TMEM44: variants seen among roughly 807,000 people sequenced by gnomAD.
TMEM44 encodes transmembrane protein 44.
TMEM44 carries 43 observed loss-of-function variants against 47.8 expected under a neutral mutation model. The observed-to-expected ratio is 0.90, with a 90% CI of 0.70 to 1.16. TMEM44 has a LOEUF of 1.16. Ranked by LOEUF, TMEM44 falls within the 50% of genes most tolerant of loss-of-function variation. The pLI is 0.00. For missense variants in TMEM44, 568 were observed against 555.2 expected (o/e 1.02, Z -0.23); for synonymous variants, 277 against 238.8 (o/e 1.16, Z -1.48).
At chr3:194,612,231 A>G (rs377742479) in intron 7 of TMEM44, among the ~76,000 whole-genome samples, 302 of 152,284 alleles carry the variant, frequency 2.0e-3, no homozygotes, top group Middle Eastern at 3.4e-3. Context: ...TTCTCTCTTC[A>G]GAATTCCAAG....
At chr3:194,623,043 C>T in intron 5 of TMEM44, 181 bp downstream of exon 5, 1 of 558,192 alleles carries the variant, frequency 1.8e-6, no homozygotes. Context: ...GTTGGCTGCC[C>T]ACTCTCCACA....
intron 1 of TMEM44, 186 bp downstream of exon 1, chr3:194,632,893 C>T (rs988134670): frequency 6.8e-6 from 7 of 1,036,222 alleles, no homozygotes; most frequent in Non-Finnish European, 9.3e-6. Flanking sequence ...GCCCAGCTTC[C>T]CTGTGCGTGG....
rs190672613 is a variant in TMEM44 at position 194,612,667 on chromosome 3, T to G, written c.913-1647A>C. 2.6e-4 allele frequency among the ~76,000 whole-genome samples: 40 copies of G among 152,294 alleles called. No homozygotes were observed. The East Asian group carries it at 7.1e-3, about 27-fold the overall frequency. On this transcript the variant is annotated intron_variant, in intron 7 of 9. Transcript: ENST00000347147. ...TAGAAAAGAGGGAGCCATTTTATAT[T>G]CAAGTCCTTTTTTTTGAGACGGAGT... is the stretch of plus-strand genomic sequence containing the variant.
intron 2 of TMEM44, among the ~76,000 whole-genome samples, chr3:194,626,681 GT>G (rs61419904): frequency 0.08 from 10,597 of 133,024 alleles, 354 homozygotes; most frequent in East Asian, 0.23. Flanking sequence ...ATGTAGTTAA[GT>G]TTTTTTTTTT....
In TMEM44 at chr3:194,630,468, G is replaced by C. The variant is rs374478167; in HGVS notation, c.138-1959C>G. Among the ~76,000 whole-genome samples the C allele has an allele frequency of 3.9e-3, 122 of 31,512 alleles. 6 individuals carry two copies. The East Asian group carries it at 0.067, about 17-fold the overall frequency. The allele number at this position is 31,512 out of a possible 152,430, so 20.7% of individuals were successfully genotyped here. A position where few individuals can be genotyped will look rare whatever the true frequency, so the allele number is the denominator to read the frequency against. ...CCGAAGGGGCTGGCTGTTTCCATCG[G>C]CGTCACTGATAGGGCCCCTGAAATA... On this transcript the variant is annotated intron_variant, in intron 1 of 9. Coordinates refer to ENST00000347147, the MANE Select transcript of TMEM44 (RefSeq NM_001011655.3).
At chr3:194,616,536 T>C (rs1006314677) in intron 6 of TMEM44, 1 of 456,172 alleles carries the variant, frequency 2.2e-6, no homozygotes, top group Non-Finnish European at 4.4e-6. Context: ...GACACTGCCA[T>C]GCATCAAGGG....
At chr3:194,614,355 C>T (rs1315370416) in intron 7 of TMEM44, among the ~76,000 whole-genome samples, 2 of 152,132 alleles carry the variant, frequency 1.3e-5, no homozygotes, top group African/African-American at 4.8e-5. Flanking sequence ...ATTAAAGATG[C>T]ATGTGAAAGT....
chr3:194,602,870 G>A (rs1714308198), intron 9 of TMEM44, among the ~76,000 whole-genome samples: 1 of 152,180 alleles, frequency 6.6e-6, no homozygotes, highest in Non-Finnish European at 1.5e-5. Context: ...CAATCTAGGG[G>A]ACTTACAATG....
Position 194,617,256 on chromosome 3 carries a change from G to T in TMEM44, c.626C>A (p.Thr209Lys). Residue 209 changes from threonine to lysine, a missense_variant, in exon 6 of 10, where the codon ACA (threonine) becomes AAA (lysine). Coordinates refer to ENST00000347147, the MANE Select transcript of TMEM44 (RefSeq NM_001011655.3). ...GGTCCACAGGTGGATGGAGGGAAAT[G>T]TCTTCCCCCGGCACTGGGCAGAGAG... ...PPLSRICRGK[T>K]FPSIHLWTRL... 6.6e-7 allele frequency: 1 copy of T among 1,518,674 alleles called. No individual in the cohort carries two copies. The highest frequency in any genetic ancestry group is 1.4e-5 in the African/African-American group (1 of 72,226). The allele number at this position is 1,518,674 out of a possible 1,614,324, so 94.1% of individuals were successfully genotyped here.
At chr3:194,595,508 C>T (rs529632274) in intron 9 of TMEM44, among the ~76,000 whole-genome samples, 3 of 152,182 alleles carry the variant, frequency 2.0e-5, no homozygotes, top group South Asian at 2.1e-4. Flanking sequence ...TTTACTCTTA[C>T]CTTTGGGGAG....
rs1712133668 is a variant in TMEM44 at position 194,588,458 on chromosome 3, T to G, written c.*71A>C. ...TTCCTGCCGCGGTGTCAGTGCAGAT[T>G]GATTCCCGCTGCGTTACTGAACGAA... On this transcript the variant is annotated 3_prime_UTR_variant, in exon 10 of 10. Coordinates refer to ENST00000347147, the MANE Select transcript of TMEM44 (RefSeq NM_001011655.3). 3 of 1,384,152 alleles carry G rather than the reference T, an allele frequency of 2.2e-6. No homozygotes were observed. The highest frequency in any genetic ancestry group is 2.0e-6 in the Non-Finnish European group (2 of 980,480). 85.7% of individuals were successfully genotyped at this position (1,384,152 alleles called of 1,614,324 possible). A position where few individuals can be genotyped will look rare whatever the true frequency, so the allele number is the denominator to read the frequency against.
intron 1 of TMEM44, 59 bp from the exon 2 acceptor site, chr3:194,628,568 G>A (rs1289299604): frequency 2.0e-6 from 3 of 1,529,500 alleles, no homozygotes; most frequent in Non-Finnish European, 2.6e-6. Flanking sequence ...CCAAACGCAT[G>A]TATCTAAAAA....
At chr3:194,632,990 G>A (rs1717975968) in intron 1 of TMEM44, 89 bp downstream of exon 1, 2 of 1,484,140 alleles carry the variant, frequency 1.3e-6, no homozygotes, top group East Asian at 2.7e-5. Flanking sequence ...CCCCCTTTCC[G>A]CCCCCTCCTC....
intron 2 of TMEM44, among the ~76,000 whole-genome samples, chr3:194,626,913 G>A (rs747868776): frequency 7.5e-6 from 1 of 133,230 alleles, no homozygotes; most frequent in Admixed American, 8.3e-5. Flanking sequence ...TTGGACTTGA[G>A]CTGGGACCTA....
intron 1 of TMEM44, among the ~76,000 whole-genome samples, chr3:194,628,804 C>T (rs1265697114): frequency 6.6e-6 from 1 of 152,070 alleles, no homozygotes; most frequent in Non-Finnish European, 1.5e-5. Flanking sequence ...ATTTGATGAC[C>T]CCCCACCTAG....
intron 1 of TMEM44, 118 bp downstream of exon 1, chr3:194,632,961 A>G (rs984753713): frequency 1.5e-6 from 2 of 1,375,360 alleles, no homozygotes; most frequent in African/African-American, 1.5e-5. Context: ...GGATCCTATT[A>G]CTGAGCCATC....
chr3:194,613,771 C>T (rs1039911043), intron 7 of TMEM44, among the ~76,000 whole-genome samples: 6 of 149,940 alleles, frequency 4.0e-5, no homozygotes, highest in Non-Finnish European at 7.4e-5. Context: ...GGATTACAGG[C>T]GTGAGCCACT....
At chr3:194,626,502 T>C (rs548296302) in intron 2 of TMEM44, among the ~76,000 whole-genome samples, 1 of 152,234 alleles carries the variant, frequency 6.6e-6, no homozygotes, top group South Asian at 2.1e-4. Flanking sequence ...AGAACTTGCA[T>C]TGTGGAGTTT....
Position 194,623,658 on chromosome 3 carries a change from G to C in TMEM44, c.396C>G (p.Leu132=). The C allele has an allele frequency of 6.2e-7, 1 of 1,613,334 alleles. No homozygotes were observed. The highest frequency in any genetic ancestry group is 8.5e-7 in the Non-Finnish European group (1 of 1,179,960). The change falls in exon 4 of 10, where the codon CTC becomes CTG. Residue 132 remains leucine, a synonymous_variant. Transcript: ENST00000347147. The part of the protein sequence containing the change: ...EARERKRRRQ[L]RASVFALALP... ...GGGCCAGGGCAAACACACTGGCCCT[G>C]AGCTGCCGCCTCCTCTTCCTCTCTC... is the stretch of plus-strand genomic sequence containing the variant.
Sources: allele counts gnomAD v4.1 joint callset (sites outside exome capture counted in the v4.1 genomes callset), GRCh38; gene constraint gnomAD v4.1.1; transcripts MANE v1.5; gene names NCBI Gene and HGNC (gene_info 2026-07-23, HGNC 2026-07-21).